The following NEBL variants were observed in gnomAD, a reference collection of about 807,000 sequenced individuals.
NEBL encodes the protein LIM and SH3 protein 2.
Under a neutral mutation model 140.2 loss-of-function variants are expected in NEBL, and 122 were observed. That is an observed-to-expected ratio of 0.87 (90% CI 0.75 to 1.01). The LOEUF (loss-of-function observed/expected upper bound fraction) is 1.01, where lower values mean the gene tolerates loss of function less well. Among genes scored for constraint, NEBL ranks in the 50% least tolerant of loss-of-function variants. The pLI is 0.00. For synonymous variants in NEBL, 436 were observed against 398.9 expected, an observed-to-expected ratio of 1.09 and a Z score of -1.11; for missense variants, 1,365 against 1,231.3, an observed-to-expected ratio of 1.11 and a Z score of -1.62.
At chr10:21,052,354 A>C (rs1283427987) in intron 2 of NEBL, among the ~76,000 whole-genome samples, 1 of 152,216 alleles carries the variant, frequency 6.6e-6, no homozygotes, top group African/African-American at 2.4e-5. Context: ...AAAAGAAGCT[A>C]AGCTTTCCAC....
intron 3 of NEBL, among the ~76,000 whole-genome samples, chr10:21,243,468 C>T (rs973278269): frequency 5.3e-5 from 8 of 151,714 alleles, no homozygotes; most frequent in Non-Finnish European, 1.0e-4. Flanking sequence ...CATCACGCCT[C>T]GCTAATTTTT....
At chr10:21,142,167 G>GTGGT (rs1355449504) in intron 2 of NEBL, among the ~76,000 whole-genome samples, 1 of 152,064 alleles carries the variant, frequency 6.6e-6, no homozygotes, top group Non-Finnish European at 1.5e-5. Context: ...TTCACTCTTG[G>GTGGT]TGGTATTCCT....
chr10:21,025,663 T>C (rs1313296824), intron 2 of NEBL, among the ~76,000 whole-genome samples: 1 of 152,196 alleles, frequency 6.6e-6, no homozygotes, highest in Non-Finnish European at 1.5e-5. Flanking sequence ...ACTCTCTTTT[T>C]ATCCAGATTC....
intron 8 of NEBL, 103 bp from the exon 9 acceptor site, chr10:20,858,447 T>C (rs1356748330): frequency 3.2e-6 from 3 of 951,586 alleles, no homozygotes; most frequent in Non-Finnish European, 4.9e-6. Context: ...TATTTAGTGG[T>C]AAATGGACAG....
chr10:20,895,215 T>C (rs1004724149), intron 2 of NEBL, among the ~76,000 whole-genome samples: 3 of 152,204 alleles, frequency 2.0e-5, no homozygotes, highest in African/African-American at 7.2e-5. Context: ...ATGGTTTATG[T>C]AACACAAGTT....
chr10:21,093,150 CTTT>C (rs4025884), intron 2 of NEBL, among the ~76,000 whole-genome samples: 3 of 95,040 alleles, frequency 3.2e-5, no homozygotes, highest in Non-Finnish European at 6.1e-5. Context: ...AGCAACAAGT[CTTT>C]TTTTTTTTTT....
chr10:21,126,020 G>A (rs773901024), intron 2 of NEBL: 5 of 1,614,138 alleles, frequency 3.1e-6, no homozygotes, highest in Non-Finnish European at 4.2e-6. Context: ...ACTCTCCGCA[G>A]CCACCTGGCA....
intron 2 of NEBL, among the ~76,000 whole-genome samples, chr10:21,043,502 C>T (rs575213894): frequency 6.6e-6 from 1 of 152,302 alleles, no homozygotes; most frequent in Admixed American, 6.5e-5. Context: ...TTTTAATTTT[C>T]TCTTTAACTA....
At chr10:21,112,608 A>G (rs1838075793) in intron 2 of NEBL, among the ~76,000 whole-genome samples, 1 of 149,418 alleles carries the variant, frequency 6.7e-6, no homozygotes. Flanking sequence ...GGACTGGGGG[A>G]GGGATAGCAT....
chr10:21,217,007 A>C (rs11012582), intron 3 of NEBL, among the ~76,000 whole-genome samples: 42,161 of 151,502 alleles, frequency 0.28, 10,590 homozygotes, highest in African/African-American at 0.68. Flanking sequence ...AAAAAATCAT[A>C]CTTTTGCTAA....
At chr10:21,045,994 A>T (rs993669999) in intron 2 of NEBL, among the ~76,000 whole-genome samples, 52 of 124,772 alleles carry the variant, frequency 4.2e-4, no homozygotes, top group Non-Finnish European at 3.6e-4. Flanking sequence ...ATGAATGGAT[A>T]AAAAAATGTG....
chr10:20,926,467 C>T (rs1457083629), intron 4 of NEBL, among the ~76,000 whole-genome samples: 1 of 152,162 alleles, frequency 6.6e-6, no homozygotes, highest in Non-Finnish European at 1.5e-5. Flanking sequence ...GCTTATAAAC[C>T]ATGTGCCTGA....
chr10:21,274,719 C>G (rs1178473911), intron 1 of NEBL, among the ~76,000 whole-genome samples: 3 of 151,892 alleles, frequency 2.0e-5, no homozygotes, highest in South Asian at 2.1e-4. Context: ...AGCCACCACA[C>G]CCAGCCTATA....
intron 3 of NEBL, among the ~76,000 whole-genome samples, chr10:20,980,038 T>G (rs1023306815): frequency 6.8e-6 from 1 of 147,108 alleles, no homozygotes; most frequent in Non-Finnish European, 1.5e-5. Flanking sequence ...TCTTTTAAAG[T>G]GTCTCATTTC....
chr10:20,999,394 C>A (rs1837797731), intron 3 of NEBL, among the ~76,000 whole-genome samples: 1 of 152,056 alleles, frequency 6.6e-6, no homozygotes, highest in African/African-American at 2.4e-5. Context: ...CCCAGGAGTT[C>A]AAGACAAGTC....
Position 20,902,744 on chromosome 10 carries a change from C to T in NEBL, c.357+58928G>A, listed in dbSNP as rs571623027. The stretch of plus-strand genomic sequence containing the variant: ...ATTAAGCTAATACCATGATCACTCC[C>T]GCAATCTTCACCACCAAGAGGAAGA... On this transcript the variant is annotated intron_variant, in intron 4 of 6. Coordinates refer to the NEBL transcript ENST00000417816. Among the ~76,000 whole-genome samples the T allele has an allele frequency of 9.9e-5, 15 of 152,194 alleles. No individual in the cohort carries two copies. The East Asian group carries it at 1.4e-3, about 14-fold the overall frequency.
chr10:21,246,161 G>A (rs1010213023), intron 3 of NEBL, among the ~76,000 whole-genome samples: 3 of 152,164 alleles, frequency 2.0e-5, no homozygotes, highest in Non-Finnish European at 2.9e-5. Context: ...CTAGAGCAGG[G>A]ACTGTGTCTT....
rs966472554 is a variant in NEBL, at chr10:20,952,486, GT to G, written c.357+9185del. 2.0e-5 allele frequency among the ~76,000 whole-genome samples: 3 copies of G among 150,248 alleles called. No individual in the cohort carries two copies. In the South Asian group the frequency reaches 6.3e-4, roughly 32 times the overall value. ...AACTGGAAATAGGATATAGGAGGAA[GT>G]TTTTTTTCTTTTTTTAGTTAAGAAT... On this transcript the variant is annotated intron_variant, in intron 4 of 6. Coordinates refer to the NEBL transcript ENST00000417816.
chr10:21,280,659 G>A (rs1842982322), intron 1 of NEBL, among the ~76,000 whole-genome samples: 1 of 136,920 alleles, frequency 7.3e-6, no homozygotes, highest in African/African-American at 2.7e-5. Context: ...CCAGGCTGGA[G>A]TGCAGTGGTG....
Sources: allele counts gnomAD v4.1 joint callset (sites outside exome capture counted in the v4.1 genomes callset), GRCh38; gene constraint gnomAD v4.1.1; transcripts MANE v1.5; gene names NCBI Gene and HGNC (gene_info 2026-07-23, HGNC 2026-07-21).